Variants in MSRB3 observed in about 807,000 individuals in gnomAD.
The protein encoded by MSRB3 is methionine-R-sulfoxide reductase B3.
Under a neutral mutation model 21.0 loss-of-function variants are expected in MSRB3, and 13 were observed. The ratio of observed to expected loss-of-function variants is 0.62; its 90% CI spans 0.40 to 0.98. The LOEUF (loss-of-function observed/expected upper bound fraction) is 0.98, where lower values mean the gene tolerates loss of function less well. Ranked by LOEUF, MSRB3 falls within the 50% of genes least tolerant of loss-of-function variation. The probability of loss-of-function intolerance (pLI) is 0.00; values close to 1 mark genes in which losing one functional copy is unlikely to be tolerated. For synonymous variants in MSRB3, 87 were observed against 88.6 expected (o/e 0.98, Z 0.10); for missense variants, 199 against 230.3 (o/e 0.86, Z 0.88).
chr12:65,323,638 G>T (rs1263638237), intron 2 of MSRB3, among the ~76,000 whole-genome samples: 1 of 152,120 alleles, frequency 6.6e-6, no homozygotes, highest in Non-Finnish European at 1.5e-5. Flanking sequence ...GAAAATTACA[G>T]TACCTAAGTG....
intron 2 of MSRB3, among the ~76,000 whole-genome samples, chr12:65,322,465 G>T (rs891979749): frequency 2.0e-5 from 3 of 151,864 alleles, no homozygotes; most frequent in Non-Finnish European, 4.4e-5. Context: ...TCGAGACCTG[G>T]CCATCATGTC....
intron 6 of MSRB3, among the ~76,000 whole-genome samples, chr12:65,459,562 G>T (rs990147047): frequency 6.6e-6 from 1 of 152,220 alleles, no homozygotes; most frequent in African/African-American, 2.4e-5. Flanking sequence ...AACAGTGGGA[G>T]AAAACAGAAT....
chr12:65,450,716 C>T (rs964978825), intron 5 of MSRB3, among the ~76,000 whole-genome samples: 1 of 152,202 alleles, frequency 6.6e-6, no homozygotes, highest in Non-Finnish European at 1.5e-5. Context: ...CACCCTTTTA[C>T]TCAAGATAAT....
chr12:65,332,227 T>G (rs1875469605), intron 4 of MSRB3, among the ~76,000 whole-genome samples: 1 of 152,140 alleles, frequency 6.6e-6, no homozygotes, highest in African/African-American at 2.4e-5. Context: ...TAAATTAATG[T>G]CACTATCAGG....
At chr12:65,334,743 G>A (rs1490918634) in intron 4 of MSRB3, among the ~76,000 whole-genome samples, 1 of 152,192 alleles carries the variant, frequency 6.6e-6, no homozygotes, top group East Asian at 1.9e-4. Context: ...ACAAGAAAAT[G>A]GAGCCAATGT....
chr12:65,396,662 G>C (rs1879798277), intron 5 of MSRB3, among the ~76,000 whole-genome samples: 1 of 144,216 alleles, frequency 6.9e-6, no homozygotes, highest in African/African-American at 2.8e-5. Context: ...TTACACTCCA[G>C]CCTGGGTGAC....
chr12:65,314,716 A>G (rs140211435), intron 2 of MSRB3, among the ~76,000 whole-genome samples: 2,395 of 152,268 alleles, frequency 0.016, 43 homozygotes, highest in East Asian at 0.057. Flanking sequence ...TATAAAATAC[A>G]TAACACCTAG....
chr12:65,336,730 T>C (rs940687620), intron 4 of MSRB3, among the ~76,000 whole-genome samples: 1 of 152,258 alleles, frequency 6.6e-6, no homozygotes, highest in South Asian at 2.1e-4. Context: ...TAAAAAATAA[T>C]GTGCAAGTTT....
rs557571580 is a variant in MSRB3 at position 65,395,999 on chromosome 12, T to A, written c.292+26973T>A. Among the ~76,000 whole-genome samples, 3 of 152,320 alleles carry A rather than the reference T, an allele frequency of 2.0e-5. No homozygotes were observed. The South Asian group carries it at 6.2e-4, about 32-fold the overall frequency. On this transcript the variant is annotated intron_variant, in intron 5 of 6. Coordinates refer to ENST00000308259, the MANE Select transcript of MSRB3 (RefSeq NM_001031679.3). ...TCTCTATTGATTTCCTACTTCTAATTTCATTGCTTTCTGCTCTAATTTTTT... is the reference window on the plus strand; with the variant it reads ...TCTCTATTGATTTCCTACTTCTAATATCATTGCTTTCTGCTCTAATTTTTT...
chr12:65,438,730 G>A (rs937378489), intron 5 of MSRB3, among the ~76,000 whole-genome samples: 4 of 151,682 alleles, frequency 2.6e-5, no homozygotes, highest in Non-Finnish European at 5.9e-5. Flanking sequence ...GAAAAGGGAG[G>A]ATATAGCATC....
rs1883409928 is a variant in MSRB3, at chr12:65,463,222, A to G, written c.458A>G (p.Asn153Ser). ...CCAACTGGGAAAAGATACTGCATAA[A>G]TTCGGCTGCCTTGTCTTTTACACCT... is the stretch of plus-strand genomic sequence containing the variant. ...PRPTGKRYCI[N>S]SAALSFTPAD... The change falls in exon 7 of 7, where the codon AAT (asparagine) becomes AGT (serine). Residue 153 changes from asparagine to serine, a missense_variant. Transcript: ENST00000308259. 2.5e-6 allele frequency: 4 copies of G among 1,614,222 alleles called. No homozygotes were observed. Among genetic ancestry groups the G allele is most frequent in the Non-Finnish European group, 3.4e-6 (4 of 1,180,038 alleles).
chr12:65,300,685 T>A (rs969208091), intron 1 of MSRB3, among the ~76,000 whole-genome samples: 1 of 152,256 alleles, frequency 6.6e-6, no homozygotes, highest in South Asian at 2.1e-4. Context: ...TTTAAAATGC[T>A]GAAGGTTTAG....
chr12:65,457,559 T>C (rs1047773126), intron 6 of MSRB3, among the ~76,000 whole-genome samples: 1 of 152,146 alleles, frequency 6.6e-6, no homozygotes, highest in Non-Finnish European at 1.5e-5. Context: ...CTCATCCTTT[T>C]TTATGGCTGC....
At chr12:65,427,685 G>T (rs1168249511) in intron 5 of MSRB3, among the ~76,000 whole-genome samples, 2 of 152,114 alleles carry the variant, frequency 1.3e-5, no homozygotes, top group Non-Finnish European at 2.9e-5. Flanking sequence ...CAGTGTGCAG[G>T]CACTCTCACT....
At chr12:65,391,900 A>T (rs372672820) in intron 5 of MSRB3, among the ~76,000 whole-genome samples, 7 of 152,306 alleles carry the variant, frequency 4.6e-5, no homozygotes, top group Admixed American at 1.3e-4. Context: ...GAATCCACAG[A>T]TGGAGAGGAG....
intron 2 of MSRB3, chr12:65,308,858 T>A: frequency 1.5e-6 from 1 of 678,598 alleles, no homozygotes. Flanking sequence ...TGGAACATTG[T>A]CCAGTTTCCT....
chr12:65,350,686 A>C (rs1419119590), intron 4 of MSRB3, among the ~76,000 whole-genome samples: 4 of 141,072 alleles, frequency 2.8e-5, no homozygotes, highest in South Asian at 2.4e-4. Context: ...AACAGACTTT[A>C]AACCAACAAA....
chr12:65,388,929 C>T (rs781458059), intron 5 of MSRB3, among the ~76,000 whole-genome samples: 1 of 152,168 alleles, frequency 6.6e-6, no homozygotes, highest in Non-Finnish European at 1.5e-5. Flanking sequence ...GAGCAAAAAG[C>T]AAGAGAGCAC....
At chr12:65,451,823 A>G (rs181923752) in intron 5 of MSRB3, among the ~76,000 whole-genome samples, 66 of 152,226 alleles carry the variant, frequency 4.3e-4, no homozygotes, top group Non-Finnish European at 4.3e-4. Context: ...TGTTTATCTC[A>G]TTTGCTTATT....
Sources: allele counts gnomAD v4.1 joint callset (sites outside exome capture counted in the v4.1 genomes callset), GRCh38; gene constraint gnomAD v4.1.1; transcripts MANE v1.5; gene names NCBI Gene and HGNC (gene_info 2026-07-23, HGNC 2026-07-21).